ACSF3: variants seen among roughly 807,000 people sequenced by gnomAD.
ACSF3 encodes the protein malonate--CoA ligase ACSF3, mitochondrial.
ACSF3 carries 78 observed loss-of-function variants against 53.2 expected under a neutral mutation model. That is an observed-to-expected ratio of 1.47 (90% CI 1.22 to 1.77). The LOEUF is 1.77. ACSF3 is among the 40% of genes most tolerant of loss of function. ACSF3 has a pLI of 0.00. For missense variants in ACSF3, 937 were observed against 771.1 expected, an observed-to-expected ratio of 1.22 and a Z score of -2.55; for synonymous variants, 414 against 333.1, an observed-to-expected ratio of 1.24 and a Z score of -2.65.
intron 7 of ACSF3, among the ~76,000 whole-genome samples, chr16:89,130,479 CTGGAGGAT>C (rs533704824): frequency 0.014 from 2,173 of 152,278 alleles, 27 homozygotes; most frequent in Non-Finnish European, 0.022. Flanking sequence ...GAGGCTGAGG[CTGGAGGAT>C]TGTTTTAACC....
intron 10 of ACSF3, chr16:89,153,801 C>T (rs556446331): frequency 1.5e-5 from 7 of 462,238 alleles, no homozygotes; most frequent in African/African-American, 1.2e-4. Flanking sequence ...GCAGGCCACT[C>T]TGTGCAGGCC....
rs1433280395 is a variant in ACSF3, at chr16:89,120,843, T to C, written c.1169T>C (p.Val390Ala). ...CTGCCTGGAGTACAGGTGCGCATTG[T>C]CTCAGAAAACCCACAGAGGGAAGCC... ...TPLPGVQVRI[V>A]SENPQREACS... Residue 390 changes from valine (V) to alanine (A), a missense_variant, in exon 7 of 11, where the codon GTC becomes GCC. By Grantham distance (64) the Val-to-Ala change is moderately conservative. Coordinates refer to ENST00000614302, the MANE Select transcript of ACSF3 (RefSeq NM_001243279.3). The C allele has an allele frequency of 6.2e-7, 1 of 1,614,046 alleles. No individual in the cohort carries two copies. Among genetic ancestry groups the C allele is most frequent in the East Asian group, 2.2e-5 (1 of 44,870 alleles).
At chr16:89,122,011 C>A (rs1440265941) in intron 7 of ACSF3, among the ~76,000 whole-genome samples, 1 of 151,538 alleles carries the variant, frequency 6.6e-6, no homozygotes, top group African/African-American at 2.4e-5. Flanking sequence ...GCTGTTATCC[C>A]CCGTGGCCCT....
At chr16:89,144,798 C>G (rs1912575981) in intron 8 of ACSF3, among the ~76,000 whole-genome samples, 1 of 152,234 alleles carries the variant, frequency 6.6e-6, no homozygotes, top group Admixed American at 6.5e-5. Context: ...GCATCAGACC[C>G]TGTGCTTGTT....
At chr16:89,115,953 C>G (rs1035371851) in intron 6 of ACSF3, among the ~76,000 whole-genome samples, 1 of 152,232 alleles carries the variant, frequency 6.6e-6, no homozygotes, top group African/African-American at 2.4e-5. Flanking sequence ...TCCCATTCAC[C>G]TAACAGCGTC....
At chr16:89,125,344 A>AC (rs1907784264) in intron 7 of ACSF3, among the ~76,000 whole-genome samples, 1 of 6,482 alleles carries the variant, frequency 1.5e-4, no homozygotes, top group African/African-American at 6.8e-4. Flanking sequence ...ACTCTGTCTC[A>AC]AAAAAAAAAA....
rs1344479226 is a variant in ACSF3 at position 89,155,983 on chromosome 16, C to T, written c.*1776C>T. 2 of 361,048 alleles carry T rather than the reference C, an allele frequency of 5.5e-6. No individual in the cohort carries two copies. The highest frequency in any genetic ancestry group is 4.3e-5 in the African/African-American group (2 of 46,798). 22.4% of individuals were successfully genotyped at this position (361,048 alleles called of 1,614,324 possible). On this transcript the variant is annotated 3_prime_UTR_variant, in exon 11 of 11. Transcript: ENST00000614302. ...CTCGTTGACCACAAACTACAGAAAG[C>T]CTGGAGCTCGTTGACCAGCCGGTTG...
intron 8 of ACSF3, among the ~76,000 whole-genome samples, chr16:89,144,014 A>G (rs1390257422): frequency 6.6e-6 from 1 of 152,226 alleles, no homozygotes; most frequent in Non-Finnish European, 1.5e-5. Context: ...CTGCCCTTAC[A>G]TGCCCTGCAT....
intron 8 of ACSF3, among the ~76,000 whole-genome samples, chr16:89,135,806 GCT>G (rs1219926757): frequency 6.6e-6 from 1 of 152,216 alleles, no homozygotes; most frequent in Non-Finnish European, 1.5e-5. Context: ...ACGGAGTCTC[GCT>G]CTGTCGCCCA....
chr16:89,150,975 A>C, intron 10 of ACSF3: 1 of 1,283,406 alleles, frequency 7.8e-7, no homozygotes, highest in Middle Eastern at 2.1e-4. Context: ...GAAGATATCC[A>C]GGGAGGAAAT....
chr16:89,109,325 A>G (rs1976408264), intron 4 of ACSF3, among the ~76,000 whole-genome samples: 1 of 147,306 alleles, frequency 6.8e-6, no homozygotes, highest in South Asian at 2.2e-4. Flanking sequence ...AGCGTATGAG[A>G]GTTTTCATTT....
intron 8 of ACSF3, among the ~76,000 whole-genome samples, chr16:89,137,225 C>T: frequency 6.6e-6 from 1 of 152,218 alleles, no homozygotes; most frequent in East Asian, 1.9e-4. Flanking sequence ...AGAGAAGAGC[C>T]AGGGATCCCG....
chr16:89,128,217 T>C lies in ACSF3; in HGVS notation c.1240-4919T>C, dbSNP rs181112891. 2.6e-5 allele frequency among the ~76,000 whole-genome samples: 4 copies of C among 151,278 alleles called. No individual in the cohort carries two copies. In the East Asian group the frequency reaches 7.7e-4, roughly 29 times the overall value. ...CGTTGCCCTTAAGCATTGCTTTAGC[T>C]GCATCCCCAAATTTATATATAATAT... On this transcript the variant is annotated intron_variant, in intron 7 of 10. Transcript: ENST00000614302.
chr16:89,146,303 G>T (rs564029779), intron 10 of ACSF3, among the ~76,000 whole-genome samples: 5 of 152,170 alleles, frequency 3.3e-5, no homozygotes, highest in Non-Finnish European at 7.4e-5. Context: ...CTGGGACAGG[G>T]CCCTGTACGG....
At chr16:89,135,304 G>T (rs1260245696) in intron 8 of ACSF3, among the ~76,000 whole-genome samples, 1 of 152,252 alleles carries the variant, frequency 6.6e-6, no homozygotes, top group Non-Finnish European at 1.5e-5. Flanking sequence ...GGCAATGTTG[G>T]CCTGCAGCCT....
chr16:89,106,222 C>T (rs546118305), intron 4 of ACSF3, among the ~76,000 whole-genome samples: 45 of 152,254 alleles, frequency 3.0e-4, no homozygotes, highest in Admixed American at 1.2e-3. Context: ...TCAACGGACA[C>T]GGGAAAGCCT....
In ACSF3 at chr16:89,155,380, A is replaced by G; in HGVS notation, c.*1173A>G. The G allele has an allele frequency of 2.2e-6, 1 of 451,922 alleles. No homozygotes were observed. The highest frequency in any genetic ancestry group is 4.4e-6 in the Non-Finnish European group (1 of 224,964). The allele number at this position is 451,922 out of a possible 1,614,324, so 28.0% of individuals were successfully genotyped here. On this transcript the variant is annotated 3_prime_UTR_variant, in exon 11 of 11. Transcript: ENST00000614302. ...GTGCCTCTGACAGGAGACCAGCCCC[A>G]TCTCAGGCTCACATGCCTCGCGGAC...
intron 10 of ACSF3, chr16:89,151,028 G>C (rs1913992112): frequency 7.8e-7 from 1 of 1,289,054 alleles, no homozygotes; most frequent in South Asian, 1.2e-5. Context: ...GAGTTTTCAG[G>C]TTGAAAGAAC....
intron 4 of ACSF3, among the ~76,000 whole-genome samples, chr16:89,107,287 C>T (rs541914107): frequency 1.3e-5 from 2 of 152,300 alleles, no homozygotes; most frequent in East Asian, 3.9e-4. Context: ...GGATGAATTC[C>T]AAGAAAGACC....
Sources: gnomAD v4.1 joint callset for allele counts (sites outside exome capture counted in the v4.1 genomes callset) on GRCh38, gnomAD v4.1.1 for gene constraint, MANE v1.5 for transcripts, NCBI Gene and HGNC (gene_info 2026-07-23, HGNC 2026-07-21) for gene names.